PKD1L1: variants seen among roughly 807,000 people sequenced by gnomAD.
PKD1L1 encodes the protein polycystin-1-like protein 1.
PKD1L1 carries 236 observed loss-of-function variants against 323.4 expected under a neutral mutation model. That is an observed-to-expected ratio of 0.73 (90% confidence interval 0.66 to 0.81). PKD1L1 has a LOEUF of 0.81. PKD1L1 is among the 40% of genes least tolerant of loss of function. PKD1L1 has a pLI of 0.00. For missense variants in PKD1L1, 3,320 were observed against 3,508.0 expected (o/e 0.95, Z 1.35); for synonymous variants, 1,344 against 1,335.0 (o/e 1.01, Z -0.15).
chr7:47,851,158 T>C (rs1221986735), intron 31 of PKD1L1, among the ~76,000 whole-genome samples: 1 of 152,190 alleles, frequency 6.6e-6, no homozygotes, highest in Non-Finnish European at 1.5e-5. Context: ...TGATGCGCAG[T>C]TCTTGTGTTC....
chr7:47,901,188 A>G (rs900310257), intron 13 of PKD1L1, among the ~76,000 whole-genome samples: 9 of 152,192 alleles, frequency 5.9e-5, no homozygotes, highest in Non-Finnish European at 1.2e-4. Flanking sequence ...TACTAAAAAA[A>G]TTAGCTACGC....
chr7:47,775,286 G>T, intron 56 of PKD1L1, 120 bp from the exon 57 acceptor site: 2 of 1,035,646 alleles, frequency 1.9e-6, no homozygotes, highest in Non-Finnish European at 2.8e-6. Context: ...CAGCTAACTT[G>T]ACCAAGGTGA....
the PKD1L1 span, among the ~76,000 whole-genome samples, chr7:47,957,860 A>ATATATATATATATATATAT: frequency 0.043 from 5,346 of 123,326 alleles, 280 homozygotes; most frequent in East Asian, 0.063. Context: ...CAATTAAAAA[A>ATATATATATATATATATAT]AAATATATAT....
chr7:47,833,107 C>A lies in PKD1L1; in HGVS notation c.6320G>T (p.Cys2107Phe), dbSNP rs1277393592. The A allele has an allele frequency of 6.2e-7, 1 of 1,611,372 alleles. No homozygotes were observed. Among genetic ancestry groups the A allele is most frequent in the Non-Finnish European group, 8.5e-7 (1 of 1,178,902 alleles). The part of the protein sequence containing the change: ...RTSLMGKSHC[C>F]PPHTQAPSSG... ...ACAGTTACCTTGAGTGTGGGGAGGGCAGCAGTGGCTTTTCCCCATCAGAGA... is the reference window on the plus strand; with the variant it reads ...ACAGTTACCTTGAGTGTGGGGAGGGAAGCAGTGGCTTTTCCCCATCAGAGA... Residue 2107 changes from cysteine (C) to phenylalanine (F), a missense_variant, in exon 41 of 57, where the codon TGC (cysteine) becomes TTC (phenylalanine). Cys to Phe is a radical substitution (Grantham distance 205). Coordinates refer to ENST00000289672, the MANE Select transcript of PKD1L1 (RefSeq NM_138295.5).
intron 45 of PKD1L1, 59 bp downstream of exon 45, chr7:47,827,291 C>A: frequency 7.1e-7 from 1 of 1,415,760 alleles, no homozygotes. Context: ...CAGTGGGGTA[C>A]TCCCTCCGAG....
chr7:47,805,716 G>A (rs753894123), intron 52 of PKD1L1, among the ~76,000 whole-genome samples: 3 of 152,194 alleles, frequency 2.0e-5, no homozygotes, highest in Non-Finnish European at 4.4e-5. Flanking sequence ...TTATAGTTCT[G>A]TGCTTAGGAA....
intron 31 of PKD1L1, among the ~76,000 whole-genome samples, chr7:47,852,346 C>A (rs1280063838): frequency 1.3e-5 from 2 of 152,096 alleles, no homozygotes; most frequent in Non-Finnish European, 2.9e-5. Flanking sequence ...TTAAAAAATA[C>A]CATTGAGAAT....
chr7:47,822,594 C>CAAAAA (rs745820560), intron 45 of PKD1L1, among the ~76,000 whole-genome samples: 32 of 71,364 alleles, frequency 4.5e-4, no homozygotes, highest in South Asian at 1.4e-3. Context: ...GACTCCGTCT[C>CAAAAA]AAAAAAAAAA....
intron 19 of PKD1L1, among the ~76,000 whole-genome samples, chr7:47,882,674 G>A (rs1786589412): frequency 6.7e-6 from 1 of 148,508 alleles, no homozygotes; most frequent in Non-Finnish European, 1.5e-5. Flanking sequence ...CTGCCCTAGT[G>A]GTTGGAGGGT....
rs766051922 is a variant in PKD1L1 at position 47,842,942 on chromosome 7, C to T, written c.5445+20G>A. On this transcript the variant is annotated intron_variant, in intron 34 of 56. Transcript: ENST00000289672. ...ACTGCTTAGACACCATCAAAGAGTA[C>T]CCCCAGATGCTCGAGCTACCTTTGA... 5.6e-6 allele frequency: 9 copies of T among 1,602,914 alleles called. No individual in the cohort carries two copies. The East Asian group carries it at 2.0e-4, about 36-fold the overall frequency.
intron 50 of PKD1L1, 41 bp downstream of exon 50, chr7:47,811,775 TC>T: frequency 2.7e-6 from 4 of 1,505,118 alleles, no homozygotes; most frequent in Non-Finnish European, 3.6e-6. Context: ...AGCCCCATCT[TC>T]CTGTGCACCT....
Position 47,888,076 on chromosome 7 carries a change from A to C in PKD1L1, c.2750T>G (p.Met917Arg). 6.2e-7 allele frequency: 1 copy of C among 1,613,996 alleles called. No individual in the cohort carries two copies. The highest frequency in any genetic ancestry group is 8.5e-7 in the Non-Finnish European group (1 of 1,179,866). The change falls in exon 17 of 57, where the codon ATG becomes AGG. Residue 917 changes from methionine to arginine, a missense_variant. Met to Arg is a moderately conservative substitution (Grantham distance 91). Coordinates refer to ENST00000289672, the MANE Select transcript of PKD1L1 (RefSeq NM_138295.5). ...CGGTATTTCACTGCAGTCCTCACAC[A>C]TAGCTTGAAGAGAGAGTTCGTCATT... is the stretch of plus-strand genomic sequence containing the variant. The part of the protein sequence containing the change: ...NWNDELSLQA[M>R]CEDCSEIPNL...
chr7:47,880,787 ACTGT>A lies in PKD1L1; in HGVS notation c.3457_3460del (p.Thr1153Ter). 6.2e-7 allele frequency: 1 copy of A among 1,607,080 alleles called. No individual in the cohort carries two copies. The highest frequency in any genetic ancestry group is 1.1e-5 in the South Asian group (1 of 90,710). On this transcript the variant is annotated frameshift_variant, in exon 21 of 57. Coordinates refer to ENST00000289672, the MANE Select transcript of PKD1L1 (RefSeq NM_138295.5). LOFTEE classifies it high-confidence loss of function. The stretch of plus-strand genomic sequence containing the variant: ...GCTCAGAGAGTATGGCTTGATTGTC[ACTGT>A]CTGTTCTGTAATACCTGCAGAAAAG...
intron 34 of PKD1L1, among the ~76,000 whole-genome samples, chr7:47,842,410 G>A (rs1161947353): frequency 6.6e-6 from 1 of 152,016 alleles, no homozygotes; most frequent in African/African-American, 2.4e-5. Context: ...GAGTTCCAAG[G>A]GCAGAGGGAG....
chr7:47,806,116 TCAGAAGTCA>T (rs1784772021), intron 52 of PKD1L1, among the ~76,000 whole-genome samples: 1 of 152,112 alleles, frequency 6.6e-6, no homozygotes, highest in African/African-American at 2.4e-5. Context: ...CTTCCCAAGG[TCAGAAGTCA>T]GGAGGAGGCT....
intron 4 of PKD1L1, among the ~76,000 whole-genome samples, chr7:47,933,380 C>T (rs1787809122): frequency 6.6e-6 from 1 of 152,146 alleles, no homozygotes; most frequent in Non-Finnish European, 1.5e-5. Flanking sequence ...AAACTTGAGC[C>T]TCTCATTTGT....
chr7:47,871,373 G>A (rs1786277416), intron 24 of PKD1L1, among the ~76,000 whole-genome samples: 1 of 152,146 alleles, frequency 6.6e-6, no homozygotes, highest in African/African-American at 2.4e-5. Flanking sequence ...CTCAGTGTCT[G>A]GTGAGGCTGC....
At chr7:47,824,014 C>T (rs1188942758) in intron 45 of PKD1L1, among the ~76,000 whole-genome samples, 1 of 152,228 alleles carries the variant, frequency 6.6e-6, no homozygotes, top group Admixed American at 6.5e-5. Context: ...TGAGCCTCTT[C>T]AAACTGGCTT....
chr7:47,911,995 A>AAGGGAGAAAAGG (rs770106032), intron 8 of PKD1L1, among the ~76,000 whole-genome samples: 26 of 152,046 alleles, frequency 1.7e-4, no homozygotes, highest in Non-Finnish European at 3.1e-4. Flanking sequence ...GGGAAGGATA[A>AAGGGAGAAAAGG]AGGGAGAAAA....
Sources: gnomAD v4.1 joint callset for allele counts (sites outside exome capture counted in the v4.1 genomes callset) on GRCh38, gnomAD v4.1.1 for gene constraint, MANE v1.5 for transcripts, NCBI Gene and HGNC (gene_info 2026-07-23, HGNC 2026-07-21) for gene names.